F13A1: variants seen among roughly 807,000 people sequenced by gnomAD.
F13A1 encodes coagulation factor XIII A chain.
F13A1 carries 47 observed loss-of-function variants against 80.1 expected under a neutral mutation model. The observed-to-expected ratio is 0.59, with a 90% CI of 0.46 to 0.75. The LOEUF is 0.75. Among genes scored for constraint, F13A1 ranks in the 30% least tolerant of loss-of-function variants. F13A1 has a pLI of 0.00. For synonymous variants in F13A1, 349 were observed against 344.9 expected (o/e 1.01, Z -0.13); for missense variants, 817 against 930.4 (o/e 0.88, Z 1.59).
chr6:6,195,584 G>C (rs1761275201), intron 10 of F13A1, among the ~76,000 whole-genome samples: 1 of 152,120 alleles, frequency 6.6e-6, no homozygotes, highest in Non-Finnish European at 1.5e-5. Context: ...TTGGGAGTAG[G>C]GAATCCCAAA....
intron 6 of F13A1, among the ~76,000 whole-genome samples, chr6:6,242,142 G>T (rs948487598): frequency 1.2e-4 from 18 of 152,158 alleles, no homozygotes; most frequent in Non-Finnish European, 2.4e-4. Flanking sequence ...TTATCTGTAG[G>T]ATCACAGATG....
At chr6:6,180,976 C>A (rs576410671) in intron 11 of F13A1, among the ~76,000 whole-genome samples, 2 of 152,234 alleles carry the variant, frequency 1.3e-5, no homozygotes, top group African/African-American at 4.8e-5. Flanking sequence ...CTAAGAACCT[C>A]TGGCAGTGAA....
At chr6:6,189,996 T>C (rs1334345308) in intron 10 of F13A1, among the ~76,000 whole-genome samples, 1 of 152,342 alleles carries the variant, frequency 6.6e-6, no homozygotes, top group East Asian at 1.9e-4. Flanking sequence ...GCTGATACCC[T>C]TTCTTCCAGT....
chr6:6,249,586 G>A (rs1561667767), intron 5 of F13A1, among the ~76,000 whole-genome samples: 1 of 152,166 alleles, frequency 6.6e-6, no homozygotes, highest in Admixed American at 6.5e-5. Context: ...GGCGAAGAGT[G>A]CCCTGACTGG....
intron 10 of F13A1, 85 bp from the exon 11 acceptor site, chr6:6,182,226 G>C: frequency 7.0e-7 from 1 of 1,429,358 alleles, no homozygotes. Flanking sequence ...CAGTCGTCTA[G>C]AGATCTCTGG....
intron 3 of F13A1, among the ~76,000 whole-genome samples, chr6:6,271,677 C>T (rs1583104465): frequency 6.6e-6 from 1 of 152,224 alleles, no homozygotes; most frequent in African/African-American, 2.4e-5. Flanking sequence ...TTACCAATTG[C>T]ATTTTTTCAC....
chr6:6,296,227 G>C (rs1284001646), intron 3 of F13A1, among the ~76,000 whole-genome samples: 1 of 151,884 alleles, frequency 6.6e-6, no homozygotes, highest in Non-Finnish European at 1.5e-5. Flanking sequence ...TTGGCAATGC[G>C]GGCTCTTTTT....
chr6:6,315,263 A>G (rs1257458430), intron 2 of F13A1, among the ~76,000 whole-genome samples: 1 of 152,212 alleles, frequency 6.6e-6, no homozygotes, highest in Non-Finnish European at 1.5e-5. Flanking sequence ...CCTGCAGAAC[A>G]GTCTATTAGA....
At position 6,195,871 on chromosome 6, in the gene F13A1, C is replaced by A; in HGVS notation, c.1231G>T (p.Gly411Cys). The A allele has an allele frequency of 1.9e-6, 3 of 1,614,132 alleles. No individual in the cohort carries two copies. Among genetic ancestry groups the A allele is most frequent in the Non-Finnish European group, 2.5e-6 (3 of 1,180,010 alleles). The change falls in exon 10 of 15, where the codon GGC becomes TGC. Residue 411 changes from glycine (G) to cysteine (C), a missense_variant. By Grantham distance (159) the Gly-to-Cys change is radical. Coordinates refer to ENST00000264870, the MANE Select transcript of F13A1 (RefSeq NM_000129.4). ...QENSDGMYRC[G>C]PASVQAIKHG... ...TTGATGGCTTGAACCGAGGCGGGGCCACACCGATACATGCCTGCATTGCAC... is the reference window on the plus strand; with the variant it reads ...TTGATGGCTTGAACCGAGGCGGGGCAACACCGATACATGCCTGCATTGCAC...
chr6:6,268,427 A>T (rs547489015), intron 3 of F13A1, among the ~76,000 whole-genome samples: 41 of 152,312 alleles, frequency 2.7e-4, no homozygotes, highest in Admixed American at 9.2e-4. Context: ...AACCCAGACC[A>T]TCTGGTTTGA....
intron 3 of F13A1, among the ~76,000 whole-genome samples, chr6:6,273,925 G>A (rs963121115): frequency 6.6e-6 from 1 of 152,140 alleles, no homozygotes; most frequent in African/African-American, 2.4e-5. Context: ...CAATCAAAAA[G>A]GCACAGAAAT....
chr6:6,225,066 G>T (rs1443482431), intron 6 of F13A1, among the ~76,000 whole-genome samples: 1 of 152,216 alleles, frequency 6.6e-6, no homozygotes. Flanking sequence ...AAGTAACCAA[G>T]ATTGCCTGTT....
At chr6:6,155,208 C>T (rs1026653717) in intron 13 of F13A1, among the ~76,000 whole-genome samples, 1 of 152,228 alleles carries the variant, frequency 6.6e-6, no homozygotes, top group African/African-American at 2.4e-5. Context: ...AAGTGAAATA[C>T]ACCCTTCCAG....
intron 2 of F13A1, among the ~76,000 whole-genome samples, chr6:6,316,875 G>C (rs1324061638): frequency 6.6e-6 from 1 of 152,200 alleles, no homozygotes; most frequent in Non-Finnish European, 1.5e-5. Flanking sequence ...CCCAGAGTGA[G>C]CAAGAAGTGG....
chr6:6,192,094 G>A (rs552570112), intron 10 of F13A1, among the ~76,000 whole-genome samples: 1 of 152,338 alleles, frequency 6.6e-6, no homozygotes, highest in African/African-American at 2.4e-5. Context: ...ATGTCTAAAA[G>A]TGCTGACACA....
At chr6:6,164,639 G>A (rs745665925) in intron 13 of F13A1, among the ~76,000 whole-genome samples, 3 of 146,878 alleles carry the variant, frequency 2.0e-5, no homozygotes, top group Admixed American at 6.8e-5. Context: ...TCCTCTCCCC[G>A]TTTTTCTCTT....
At position 6,305,539 on chromosome 6, in the gene F13A1, TC is replaced by T. The variant is rs764788768; in HGVS notation, c.131-1del. The T allele has an allele frequency of 6.2e-7, 1 of 1,614,042 alleles. No homozygotes were observed. Among genetic ancestry groups the T allele is most frequent in the Admixed American group, 1.7e-5 (1 of 60,022 alleles). On this transcript the variant is annotated splice_acceptor_variant, in intron 2 of 14. Coordinates refer to ENST00000264870, the MANE Select transcript of F13A1 (RefSeq NM_000129.4). LOFTEE classifies it high-confidence loss of function. The stretch of plus-strand genomic sequence containing the variant: ...GTGAACGCTCGTGACATTAAGAAAC[TC>T]TATGAACAAGAAAAACAAGGGTTGA...
chr6:6,182,228 G>T (rs1761001546), intron 10 of F13A1, 87 bp from the exon 11 acceptor site: 6 of 1,434,296 alleles, frequency 4.2e-6, no homozygotes, highest in Admixed American at 1.7e-5. Flanking sequence ...GTCGTCTAGA[G>T]ATCTCTGGAG....
At chr6:6,167,086 C>T (rs1195700875) in intron 13 of F13A1, among the ~76,000 whole-genome samples, 2 of 152,196 alleles carry the variant, frequency 1.3e-5, no homozygotes, top group Admixed American at 1.3e-4. Flanking sequence ...GGCAGTTTAT[C>T]TACCTCTTAT....
Sources: gnomAD v4.1 joint callset for allele counts (sites outside exome capture counted in the v4.1 genomes callset) on GRCh38, gnomAD v4.1.1 for gene constraint, MANE v1.5 for transcripts, NCBI Gene and HGNC (gene_info 2026-07-23, HGNC 2026-07-21) for gene names.